Variants in ASB8 observed in about 807,000 individuals in gnomAD.
ASB8 encodes the protein ankyrin repeat and SOCS box containing 8.
ASB8 carries 15 observed loss-of-function variants against 22.9 expected under a neutral mutation model. The observed-to-expected ratio is 0.66, with a 90% CI of 0.44 to 1.01. The LOEUF is 1.01. Among genes scored for constraint, ASB8 ranks in the 50% least tolerant of loss-of-function variants. The probability of loss-of-function intolerance (pLI) is 0.00; values close to 1 mark genes in which losing one functional copy is unlikely to be tolerated. For synonymous variants in ASB8, 124 were observed against 140.8 expected (o/e 0.88, Z 0.84); for missense variants, 294 against 356.9 (o/e 0.82, Z 1.42).
intron 3 of ASB8, 45 bp downstream of exon 3, chr12:48,151,156 T>A: frequency 6.8e-7 from 1 of 1,471,584 alleles, no homozygotes; most frequent in Non-Finnish European, 9.5e-7. Flanking sequence ...AACATGAAGC[T>A]CAAGTTTTAG....
In ASB8 at chr12:48,149,199, G is replaced by A; in HGVS notation, c.*167C>T. The A allele has an allele frequency of 1.4e-6, 1 of 703,146 alleles. No individual in the cohort carries two copies. The highest frequency in any genetic ancestry group is 2.8e-5 in the East Asian group (1 of 35,932). The allele number at this position is 703,146 out of a possible 1,614,324, so 43.6% of individuals were successfully genotyped here. A position where few individuals can be genotyped will look rare whatever the true frequency, so the allele number is the denominator to read the frequency against. ...AGGGATTTTTTTTGTTGGGTTGTTTGGTTTGGGAAGGGGAGGTGCTATGGA... is the reference window on the plus strand; with the variant it reads ...AGGGATTTTTTTTGTTGGGTTGTTTAGTTTGGGAAGGGGAGGTGCTATGGA... On this transcript the variant is annotated 3_prime_UTR_variant, in exon 4 of 4. Transcript: ENST00000317697.
chr12:48,152,233 G>T (rs1245013087), intron 2 of ASB8, among the ~76,000 whole-genome samples: 2 of 151,944 alleles, frequency 1.3e-5, no homozygotes, highest in African/African-American at 4.8e-5. Context: ...GCTAGAATTA[G>T]AATGTTACAA....
Position 48,149,579 on chromosome 12 carries a change from A to G in ASB8, c.654T>C (p.Phe218=), listed in dbSNP as rs1215983913. The G allele has an allele frequency of 6.2e-7, 1 of 1,613,944 alleles. No homozygotes were observed. The highest frequency in any genetic ancestry group is 8.5e-7 in the Non-Finnish European group (1 of 1,179,984). ...FELLHRAVGH[F]ELRKNGTMPR... is the part of the protein sequence containing the mutation. ...GCATGGTGCCATTTTTCCTCAATTCAAAGTGTCCAACAGCTCTGTGGAGGA... is the reference window on the plus strand; with the variant it reads ...GCATGGTGCCATTTTTCCTCAATTCGAAGTGTCCAACAGCTCTGTGGAGGA... The change falls in exon 4 of 4, where the codon TTT becomes TTC. Residue 218 remains phenylalanine (F), a synonymous_variant. Transcript: ENST00000317697.
rs149610841 is a variant in ASB8, at chr12:48,156,633, ATAAAT to A, written c.-34+821_-34+825del. Among the ~76,000 whole-genome samples the A allele has an allele frequency of 9.6e-3, 1,464 of 152,308 alleles. 29 individuals carry two copies. Among genetic ancestry groups the A allele is most frequent in the African/African-American group, 0.034 (1,403 of 41,552 alleles). On this transcript the variant is annotated intron_variant, in intron 1 of 3. Transcript: ENST00000317697. ...CAAAAAAATTCAAAAATTAAAATAA[ATAAAT>A]AAAGTCGTTTTGTTAACCATTTCTG...
At chr12:48,156,987 A>G (rs1218017624) in intron 1 of ASB8, 28 of 115,782 alleles carry the variant, frequency 2.4e-4, no homozygotes, top group Non-Finnish European at 3.8e-4. Flanking sequence ...TGAGAAGCTG[A>G]AAAAAAAAAA....
chr12:48,156,986 G>GAAAAA (rs745913404), intron 1 of ASB8: 1 of 77,350 alleles, frequency 1.3e-5, no homozygotes, highest in African/African-American at 4.7e-5. Context: ...CTGAGAAGCT[G>GAAAAA]AAAAAAAAAA....
chr12:48,156,293 G>T (rs1298401887), intron 1 of ASB8, among the ~76,000 whole-genome samples: 1 of 152,040 alleles, frequency 6.6e-6, no homozygotes, highest in Non-Finnish European at 1.5e-5. Flanking sequence ...ATGTCTCTAT[G>T]ACATTTTCTA....
rs181526502 is a variant in ASB8 at position 48,155,253 on chromosome 12, T to C, written c.-33-1724A>G. 4.0e-3 allele frequency among the ~76,000 whole-genome samples: 609 copies of C among 152,322 alleles called. 5 individuals are homozygous for C. The highest frequency in any genetic ancestry group is 7.0e-3 in the Non-Finnish European group (478 of 68,018). ...AACTGCTTAGAAATCTGTGTTCTTA[T>C]TATAAGCTCTTTGGGAATAACGATA... On this transcript the variant is annotated intron_variant, in intron 1 of 3. Coordinates refer to ENST00000317697, the MANE Select transcript of ASB8 (RefSeq NM_024095.5).
Position 48,149,558 on chromosome 12 carries a change from G to A in ASB8, c.675C>T (p.Thr225=), listed in dbSNP as rs147874872. The A allele has an allele frequency of 1.6e-5, 26 of 1,614,038 alleles. No homozygotes were observed. The highest frequency in any genetic ancestry group is 2.2e-5 in the Non-Finnish European group (26 of 1,180,006). Residue 225 remains threonine, a synonymous_variant, in exon 4 of 4, where the codon ACC becomes ACT. Transcript: ENST00000317697. The part of the protein sequence containing the change: ...VGHFELRKNG[T]MPREVARDPQ... ...GGTCTCTGGCCACCTCTCGTGGCAT[G>A]GTGCCATTTTTCCTCAATTCAAAGT... is the stretch of plus-strand genomic sequence containing the variant.
rs774381502 is a variant in ASB8, at chr12:48,148,315, A to G, written c.*1051T>C. Reference sequence around the variant, plus strand: ...TTAGAACACACTGTTTCTCAGGAAGAGAAAAAGCTGCATTACAAGAAAAGT... The same window carrying G: ...TTAGAACACACTGTTTCTCAGGAAGGGAAAAAGCTGCATTACAAGAAAAGT... On this transcript the variant is annotated 3_prime_UTR_variant, in exon 4 of 4. Coordinates refer to ENST00000317697, the MANE Select transcript of ASB8 (RefSeq NM_024095.5). 9 of 152,380 alleles carry G rather than the reference A, an allele frequency of 5.9e-5. No individual in the cohort carries two copies. The East Asian group carries it at 1.7e-3, about 29-fold the overall frequency. The allele number at this position is 152,380 out of a possible 1,614,324, so 9.4% of individuals were successfully genotyped here.
In ASB8 at chr12:48,149,058, G is replaced by A. The variant is rs1592844138; in HGVS notation, c.*308C>T. The A allele has an allele frequency of 1.1e-5, 4 of 363,168 alleles. No individual in the cohort carries two copies. The East Asian group carries it at 2.4e-4, about 22-fold the overall frequency. The allele number at this position is 363,168 out of a possible 1,614,324, so 22.5% of individuals were successfully genotyped here. A position where few individuals can be genotyped will look rare whatever the true frequency, so the allele number is the denominator to read the frequency against. ...TATTTAAGTACTTTCCATCTTCCTA[G>A]AGAAATTTAGTTACACTGTTGACTC... On this transcript the variant is annotated 3_prime_UTR_variant, in exon 4 of 4. Transcript: ENST00000317697.
At position 48,149,747 on chromosome 12, in the gene ASB8, T is replaced by C. The variant is rs1006741945; in HGVS notation, c.486A>G (p.Gly162=). ...GAAGGATGCTGACACTCTCAAGATT[T>C]CCCTTCATGGCAGCCCAGCTGAGCG... ...DTPLSWAAMK[G]NLESVSILLD... Residue 162 remains glycine, a synonymous_variant, in exon 4 of 4, where the codon GGA becomes GGG. Coordinates refer to ENST00000317697, the MANE Select transcript of ASB8 (RefSeq NM_024095.5). 5 of 1,614,042 alleles carry C rather than the reference T, an allele frequency of 3.1e-6. No individual in the cohort carries two copies. The highest frequency in any genetic ancestry group is 2.7e-5 in the African/African-American group (2 of 74,902).
intron 3 of ASB8, 99 bp downstream of exon 3, chr12:48,151,102 G>A (rs1951193038): frequency 1.1e-6 from 1 of 896,886 alleles, no homozygotes. Flanking sequence ...GTTCAGACTG[G>A]AGGAGGGAAG....
chr12:48,153,979 C>G (rs533285463), intron 1 of ASB8: 1 of 155,006 alleles, frequency 6.5e-6, no homozygotes, highest in Non-Finnish European at 1.4e-5. Flanking sequence ...AAGGCAAGGA[C>G]TTTGTCTTCT....
At chr12:48,154,753 C>A (rs774205162) in intron 1 of ASB8, among the ~76,000 whole-genome samples, 44 of 151,970 alleles carry the variant, frequency 2.9e-4, no homozygotes, top group Non-Finnish European at 5.3e-4. Flanking sequence ...GCCTTACCAA[C>A]ATGGTGAAAG....
chr12:48,148,014 T>C lies in ASB8; in HGVS notation c.*1352A>G, dbSNP rs1444852788. 6.6e-6 allele frequency: 1 copy of C among 152,192 alleles called. No individual in the cohort carries two copies. The highest frequency in any genetic ancestry group is 1.9e-4 in the East Asian group (1 of 5,198). The allele number at this position is 152,192 out of a possible 1,614,324, so 9.4% of individuals were successfully genotyped here. On this transcript the variant is annotated 3_prime_UTR_variant, in exon 4 of 4. Transcript: ENST00000317697. ...AATTTAGAAAAATGAAAGAGTATCG[T>C]TCACTAAAGCAGATCTCTTTTGGGT...
intron 3 of ASB8, 56 bp downstream of exon 3, chr12:48,151,145 A>C (rs1592848331): frequency 7.1e-7 from 1 of 1,406,326 alleles, no homozygotes. Flanking sequence ...AATTCTAAGA[A>C]AACATGAAGC....
rs887556193 is a variant in ASB8 at position 48,153,350 on chromosome 12, C to G, written c.129+18G>C. On this transcript the variant is annotated intron_variant, in intron 2 of 3. Coordinates refer to ENST00000317697, the MANE Select transcript of ASB8 (RefSeq NM_024095.5). ...CTTCATATCGCAAGGACTCTCCTGT[C>G]AATACCAGCACACTCACCCCTCTGA... 6.2e-7 allele frequency: 1 copy of G among 1,613,438 alleles called. No individual in the cohort carries two copies. Among genetic ancestry groups the G allele is most frequent in the African/African-American group, 1.3e-5 (1 of 74,902 alleles).
intron 1 of ASB8, among the ~76,000 whole-genome samples, chr12:48,154,880 G>T (rs1039997175): frequency 1.2e-4 from 19 of 152,320 alleles, no homozygotes; most frequent in African/African-American, 4.3e-4. Context: ...GGCAGAGGTT[G>T]CAGTGAGCTG....
Sources: gnomAD v4.1 joint callset for allele counts (sites outside exome capture counted in the v4.1 genomes callset) on GRCh38, gnomAD v4.1.1 for gene constraint, MANE v1.5 for transcripts, NCBI Gene and HGNC (gene_info 2026-07-23, HGNC 2026-07-21) for gene names.